The following BRF1 variants were observed in gnomAD, a reference collection of about 807,000 sequenced individuals.
BRF1 encodes BRF1 general transcription factor IIIB subunit, also known as transcription factor IIIB 90 kDa subunit.
In BRF1, 59 loss-of-function variants were observed where a neutral mutation model predicts 81.7. The ratio of observed to expected loss-of-function variants is 0.72; its 90% confidence interval spans 0.59 to 0.90. The LOEUF is 0.90. Ranked by LOEUF, BRF1 falls within the 40% of genes least tolerant of loss-of-function variation. The pLI is 0.00. For synonymous variants in BRF1, 491 were observed against 395.6 expected (o/e 1.24, Z -2.86); for missense variants, 1,050 against 936.3 (o/e 1.12, Z -1.58).
intron 15 of BRF1, among the ~76,000 whole-genome samples, chr14:105,215,542 CA>C (rs2141395892): frequency 6.6e-6 from 1 of 151,860 alleles, no homozygotes; most frequent in East Asian, 1.9e-4. Context: ...CATGCACAGA[CA>C]CAGGCACACA....
In BRF1 at chr14:105,268,299, G is replaced by A. The variant is rs147667831; in HGVS notation, c.439+4422C>T. Among the ~76,000 whole-genome samples the A allele has an allele frequency of 6.9e-3, 1,056 of 152,364 alleles. 7 individuals carry two copies. The highest frequency in any genetic ancestry group is 0.014 in the East Asian group (75 of 5,182). On this transcript the variant is annotated intron_variant, in intron 3 of 17. Coordinates refer to ENST00000547530, the MANE Select transcript of BRF1 (RefSeq NM_001519.4). ...GCTCATTCCAGCTGAGTCTCTGCCC[G>A]GCATGTCCAGGTCCCGTGTCTCAGC... is the stretch of plus-strand genomic sequence containing the variant.
chr14:105,270,226 T>A (rs1049572440), intron 3 of BRF1, among the ~76,000 whole-genome samples: 2 of 148,944 alleles, frequency 1.3e-5, no homozygotes, highest in Non-Finnish European at 3.0e-5. Flanking sequence ...CAGGCTGGAG[T>A]GCAGTGGCGC....
intron 10 of BRF1, among the ~76,000 whole-genome samples, chr14:105,224,614 T>TCA: frequency 6.6e-6 from 1 of 152,300 alleles, no homozygotes; most frequent in Middle Eastern, 3.4e-3. Flanking sequence ...AGTGGTGCAA[T>TCA]CATAGCTCAC....
chr14:105,313,497 G>GA (rs2058410955), intron 1 of BRF1, among the ~76,000 whole-genome samples: 1 of 152,244 alleles, frequency 6.6e-6, no homozygotes, highest in Non-Finnish European at 1.5e-5. Context: ...TCCGAAGTGG[G>GA]ACCCTGACTT....
intron 1 of BRF1, among the ~76,000 whole-genome samples, chr14:105,307,184 C>T (rs961463514): frequency 6.6e-6 from 1 of 150,700 alleles, no homozygotes; most frequent in African/African-American, 2.4e-5. Context: ...TACTGAGATC[C>T]CAGGCTTGAG....
intron 5 of BRF1, among the ~76,000 whole-genome samples, chr14:105,243,285 C>CAAA (rs3083977): frequency 0.23 from 29,290 of 127,208 alleles, 3,311 homozygotes; most frequent in Middle Eastern, 0.28. Context: ...TACTAAAATA[C>CAAA]AAAAAAAAAA....
At position 105,228,904 on chromosome 14, in the gene BRF1, A is replaced by G; in HGVS notation, c.704T>C (p.Val235Ala). 1 of 1,613,604 alleles carries G rather than the reference A, an allele frequency of 6.2e-7. No homozygotes were observed. Among genetic ancestry groups the G allele is most frequent in the Non-Finnish European group, 8.5e-7 (1 of 1,179,986 alleles). The change falls in exon 7 of 18, where the codon GTT becomes GCT. Residue 235 changes from valine to alanine, a missense_variant. Physicochemically the swap from Val to Ala is moderately conservative, Grantham distance 64. Coordinates refer to ENST00000547530, the MANE Select transcript of BRF1 (RefSeq NM_001519.4). The part of the protein sequence containing the change: ...PSGLCGAALL[V>A]AARMHDFRRT... ...CCTGAAGTCATGCATTCTGGCTGCA[A>G]CCAGGAGCGCTGGAAGGCAACGAGA...
chr14:105,250,712 A>C (rs587727248), intron 5 of BRF1: 1 of 1,565,720 alleles, frequency 6.4e-7, no homozygotes, highest in East Asian at 2.3e-5. Flanking sequence ...GAGTGAGTGG[A>C]GGGGAAGTCA....
At chr14:105,218,635 C>T (rs1325506140) in intron 14 of BRF1, among the ~76,000 whole-genome samples, 1 of 152,240 alleles carries the variant, frequency 6.6e-6, no homozygotes, top group Non-Finnish European at 1.5e-5. Context: ...GGCCACAAGG[C>T]AGGGAGGCAT....
At chr14:105,229,727 T>C (rs1283948338) in intron 6 of BRF1, among the ~76,000 whole-genome samples, 12 of 52,674 alleles carry the variant, frequency 2.3e-4, no homozygotes, top group African/African-American at 8.7e-4. Flanking sequence ...ACTGTCCGCG[T>C]AGTCGCCCAG....
intron 5 of BRF1, chr14:105,249,344 C>T (rs1324796162): frequency 6.2e-7 from 1 of 1,606,158 alleles, no homozygotes; most frequent in Non-Finnish European, 8.5e-7. Context: ...CTCACGGCGG[C>T]GCTTTCTCCT....
chr14:105,250,941 A>C, intron 5 of BRF1: 1 of 471,048 alleles, frequency 2.1e-6, no homozygotes. Flanking sequence ...AGTGGCACCC[A>C]TGCCACCTGC....
At chr14:105,288,695 G>A (rs1323333489) in intron 1 of BRF1, among the ~76,000 whole-genome samples, 8 of 147,290 alleles carry the variant, frequency 5.4e-5, no homozygotes, top group Admixed American at 2.7e-4. Context: ...GTGCAGTGGC[G>A]TGATCTTGGC....
At chr14:105,219,331 G>A in intron 12 of BRF1, 99 bp from the exon 13 acceptor site, 1 of 1,568,300 alleles carries the variant, frequency 6.4e-7, no homozygotes, top group Non-Finnish European at 8.7e-7. Flanking sequence ...ACCGTTAGAG[G>A]AAGGGGAACC....
At chr14:105,298,521 C>T (rs991050446) in intron 1 of BRF1, among the ~76,000 whole-genome samples, 3 of 152,206 alleles carry the variant, frequency 2.0e-5, no homozygotes, top group African/African-American at 4.8e-5. Flanking sequence ...AAACAATGAG[C>T]CTCAGCCTAC....
intron 3 of BRF1, among the ~76,000 whole-genome samples, chr14:105,270,892 G>A (rs1453066037): frequency 6.6e-6 from 1 of 152,034 alleles, no homozygotes; most frequent in Non-Finnish European, 1.5e-5. Context: ...ATCTCCAGGA[G>A]CCCTCCCTGC....
upstream of BRF1, among the ~76,000 whole-genome samples, chr14:105,301,571 G>C (rs2058030028): frequency 6.6e-6 from 1 of 152,184 alleles, no homozygotes; most frequent in South Asian, 2.1e-4. Flanking sequence ...CCCGCCAGGG[G>C]CCACCCTGCC....
chr14:105,249,662 G>C (rs1429524631), intron 5 of BRF1: 1 of 1,612,692 alleles, frequency 6.2e-7, no homozygotes, highest in Non-Finnish European at 8.5e-7. Context: ...TGATGAGATC[G>C]ATCTGGAAGC....
chr14:105,250,338 T>C (rs1399696834), intron 5 of BRF1: 1 of 1,613,520 alleles, frequency 6.2e-7, no homozygotes, highest in Admixed American at 1.7e-5. Flanking sequence ...GGGCTGGGCC[T>C]GTATGGCTCC....
Sources: allele counts gnomAD v4.1 joint callset (sites outside exome capture counted in the v4.1 genomes callset), GRCh38; gene constraint gnomAD v4.1.1; transcripts MANE v1.5; gene names NCBI Gene and HGNC (gene_info 2026-07-23, HGNC 2026-07-21).